The following MYO3B variants were observed in gnomAD, a reference collection of about 807,000 sequenced individuals.
MYO3B encodes myosin IIIB, also known as myosin-IIIb.
A neutral mutation model predicts 174.6 loss-of-function variants in MYO3B; 156 were observed. The ratio of observed to expected loss-of-function variants is 0.89; its 90% confidence interval spans 0.78 to 1.02. The LOEUF is 1.02. Among genes scored for constraint, MYO3B ranks in the 50% least tolerant of loss-of-function variants. MYO3B has a pLI of 0.00. For missense variants in MYO3B, 1,632 were observed against 1,639.4 expected (o/e 1.00, Z 0.08); for synonymous variants, 563 against 569.1 (o/e 0.99, Z 0.15).
chr2:170,448,144 G>A (rs1354771810), intron 23 of MYO3B, among the ~76,000 whole-genome samples: 7 of 152,192 alleles, frequency 4.6e-5, no homozygotes, highest in Non-Finnish European at 1.0e-4. Flanking sequence ...AGGCAGTCTA[G>A]TCCCCAGGCA....
At chr2:170,250,463 G>T in intron 7 of MYO3B, among the ~76,000 whole-genome samples, 1 of 151,988 alleles carries the variant, frequency 6.6e-6, no homozygotes, top group East Asian at 1.9e-4. Context: ...TGACAGGGGT[G>T]TGGCTTTTCT....
At chr2:170,482,076 C>T (rs1559043602) in intron 25 of MYO3B, among the ~76,000 whole-genome samples, 1 of 151,888 alleles carries the variant, frequency 6.6e-6, no homozygotes, top group Admixed American at 6.6e-5. Flanking sequence ...CACATCTTTC[C>T]CTTGTTGTTG....
chr2:170,428,531 G>A (rs927651563), intron 22 of MYO3B, among the ~76,000 whole-genome samples: 1 of 152,148 alleles, frequency 6.6e-6, no homozygotes. Flanking sequence ...TTGTTGTTCA[G>A]CGTGTTGTTG....
At chr2:170,197,156 A>C (rs1346437461) in intron 1 of MYO3B, among the ~76,000 whole-genome samples, 1 of 152,078 alleles carries the variant, frequency 6.6e-6, no homozygotes, top group Non-Finnish European at 1.5e-5. Flanking sequence ...CCAACCAATC[A>C]GCAGCAAGTG....
intron 32 of MYO3B, among the ~76,000 whole-genome samples, chr2:170,582,337 G>T (rs560022764): frequency 6.6e-6 from 1 of 152,198 alleles, no homozygotes; most frequent in Non-Finnish European, 1.5e-5. Flanking sequence ...GACAATAAAG[G>T]CTTCGTGGCA....
chr2:170,538,540 A>C (rs1689873387), intron 30 of MYO3B, among the ~76,000 whole-genome samples: 1 of 152,218 alleles, frequency 6.6e-6, no homozygotes, highest in South Asian at 2.1e-4. Context: ...GATGCTGGGT[A>C]TTCTCAGCAG....
rs1559074238 is a variant in MYO3B, at chr2:170,514,949, ACATTCCCCCGTCG to A, written c.3402_3414del (p.His1134GlnfsTer98). 44 of 1,614,012 alleles carry A rather than the reference ACATTCCCCCGTCG, an allele frequency of 2.7e-5. No individual in the cohort carries two copies. Among genetic ancestry groups the A allele is most frequent in the Non-Finnish European group, 3.7e-5 (44 of 1,179,950 alleles). ...ACACTTCAAACCAAAGCAGTGGGCC[ACATTCCCCCGTCG>A]CAGCAGGTACGAGGGGAAGTGCCGA... is the stretch of plus-strand genomic sequence containing the variant. On this transcript the variant is annotated frameshift_variant, in exon 29 of 35. Coordinates refer to ENST00000408978, the MANE Select transcript of MYO3B (RefSeq NM_138995.5). LOFTEE classifies it high-confidence loss of function.
At chr2:170,350,019 T>C (rs975680859) in intron 8 of MYO3B, among the ~76,000 whole-genome samples, 5 of 151,998 alleles carry the variant, frequency 3.3e-5, no homozygotes, top group African/African-American at 9.7e-5. Flanking sequence ...TTTTTTCCTT[T>C]GAGATAGTGT....
chr2:170,632,203 C>G (rs1387460377), intron 32 of MYO3B, among the ~76,000 whole-genome samples: 2 of 152,212 alleles, frequency 1.3e-5, no homozygotes, highest in South Asian at 2.1e-4. Flanking sequence ...CCACATCGCA[C>G]TTGTTCCAAA....
intron 32 of MYO3B, among the ~76,000 whole-genome samples, chr2:170,604,394 T>C (rs1269030011): frequency 6.6e-6 from 1 of 152,234 alleles, no homozygotes; most frequent in Non-Finnish European, 1.5e-5. Context: ...GGAGGACTTA[T>C]TTATTCTATA....
At chr2:170,573,935 A>T (rs1692624954) in intron 32 of MYO3B, among the ~76,000 whole-genome samples, 1 of 152,090 alleles carries the variant, frequency 6.6e-6, no homozygotes, top group Admixed American at 6.6e-5. Flanking sequence ...CCTTGTTATT[A>T]TTTCTTACTA....
chr2:170,403,061 T>A, intron 19 of MYO3B, 66 bp downstream of exon 19: 2 of 1,485,274 alleles, frequency 1.3e-6, no homozygotes, highest in Non-Finnish European at 1.8e-6. Flanking sequence ...GCCCACAATT[T>A]GTAGCAGAAA....
At chr2:170,198,296 C>T (rs983631106) in intron 1 of MYO3B, among the ~76,000 whole-genome samples, 2 of 152,150 alleles carry the variant, frequency 1.3e-5, no homozygotes, top group Non-Finnish European at 2.9e-5. Flanking sequence ...ATGCGTATTT[C>T]TCTCTTCTTT....
chr2:170,562,282 A>G (rs1691759170), intron 32 of MYO3B, among the ~76,000 whole-genome samples: 1 of 152,210 alleles, frequency 6.6e-6, no homozygotes, highest in African/African-American at 2.4e-5. Context: ...TCTCATTCAT[A>G]TCCGTATAAA....
At chr2:170,651,819 C>CTGGGGGGGGG in intron 33 of MYO3B, 85 bp downstream of exon 33, 1 of 1,081,982 alleles carries the variant, frequency 9.2e-7, no homozygotes, top group Non-Finnish European at 1.4e-6. Flanking sequence ...CCAGCCCCTG[C>CTGGGGGGGGG]AGCCCCACCC....
intron 16 of MYO3B, among the ~76,000 whole-genome samples, chr2:170,392,918 T>C (rs2094422433): frequency 6.7e-6 from 1 of 149,442 alleles, no homozygotes; most frequent in Non-Finnish European, 1.5e-5. Context: ...GGGGTAGGAG[T>C]ACAGGAATAT....
intron 23 of MYO3B, among the ~76,000 whole-genome samples, chr2:170,457,243 A>G (rs1377908493): frequency 6.6e-6 from 1 of 152,188 alleles, no homozygotes; most frequent in African/African-American, 2.4e-5. Flanking sequence ...GCTATACTGA[A>G]TTTATTTTAA....
At chr2:170,290,731 A>G (rs2093590024) in intron 7 of MYO3B, among the ~76,000 whole-genome samples, 1 of 152,142 alleles carries the variant, frequency 6.6e-6, no homozygotes, top group Admixed American at 6.5e-5. Flanking sequence ...TGCCTGTTTT[A>G]TGGTTGTTTT....
intron 30 of MYO3B, among the ~76,000 whole-genome samples, chr2:170,529,089 C>G (rs1354210968): frequency 6.6e-6 from 1 of 152,120 alleles, no homozygotes; most frequent in South Asian, 2.1e-4. Flanking sequence ...TATAAAAAGT[C>G]AATTTTTTAG....
Sources: gnomAD v4.1 joint callset for allele counts (sites outside exome capture counted in the v4.1 genomes callset) on GRCh38, gnomAD v4.1.1 for gene constraint, MANE v1.5 for transcripts, NCBI Gene and HGNC (gene_info 2026-07-23, HGNC 2026-07-21) for gene names.